PLEKHG1: variants seen among roughly 807,000 people sequenced by gnomAD.
PLEKHG1 encodes the protein pleckstrin homology domain-containing family G member 1.
PLEKHG1 carries 44 observed loss-of-function variants against 100.8 expected under a neutral mutation model. The observed-to-expected ratio is 0.44, with a 90% confidence interval of 0.34 to 0.56. The LOEUF (loss-of-function observed/expected upper bound fraction) is 0.56, where lower values mean the gene tolerates loss of function less well. Ranked by LOEUF, PLEKHG1 falls within the 20% of genes least tolerant of loss-of-function variation. PLEKHG1 has a pLI of 0.01. For missense variants in PLEKHG1, 1,545 were observed against 1,720.9 expected (o/e 0.90, Z 1.81); for synonymous variants, 640 against 662.5 (o/e 0.97, Z 0.52).
intron 9 of PLEKHG1, 39 bp from the exon 11 acceptor site, chr6:150,809,609 G>T: frequency 6.4e-7 from 1 of 1,570,554 alleles, no homozygotes; most frequent in South Asian, 1.1e-5. Context: ...GTGGGTGGTG[G>T]AATCAAGTTG....
intron 5 of PLEKHG1, among the ~76,000 whole-genome samples, chr6:150,800,262 C>G (rs920738820): frequency 6.6e-6 from 1 of 151,958 alleles, no homozygotes; most frequent in Admixed American, 6.6e-5. Flanking sequence ...AATGCTCTGA[C>G]GGGGGGCTGG....
chr6:150,697,470 G>C (rs1780593159), intron 3 of PLEKHG1, among the ~76,000 whole-genome samples: 1 of 152,210 alleles, frequency 6.6e-6, no homozygotes, highest in Non-Finnish European at 1.5e-5. Flanking sequence ...TTTAAGGACA[G>C]GCAACTGGGA....
At chr6:150,607,580 G>T (rs1776654849) in intron 1 of PLEKHG1, among the ~76,000 whole-genome samples, 1 of 152,138 alleles carries the variant, frequency 6.6e-6, no homozygotes, top group East Asian at 1.9e-4. Flanking sequence ...TTTTAAAATT[G>T]GAAACAAGTA....
chr6:150,802,949 C>T (rs537920764), intron 6 of PLEKHG1, among the ~76,000 whole-genome samples: 2 of 152,152 alleles, frequency 1.3e-5, no homozygotes, highest in Admixed American at 6.5e-5. Flanking sequence ...AGTGAGCCAC[C>T]GTGCCTGGCC....
chr6:150,730,220 A>G (rs1185327134), intron 1 of PLEKHG1, among the ~76,000 whole-genome samples: 2 of 151,982 alleles, frequency 1.3e-5, no homozygotes, highest in Non-Finnish European at 2.9e-5. Flanking sequence ...CAGTATGTGC[A>G]GATCTGTAGG....
At chr6:150,730,943 A>G (rs1583019189) in intron 1 of PLEKHG1, among the ~76,000 whole-genome samples, 1 of 151,972 alleles carries the variant, frequency 6.6e-6, no homozygotes, top group Admixed American at 6.6e-5. Flanking sequence ...TTTAGTCCCA[A>G]ATCATAGCCT....
chr6:150,650,745 G>C (rs145411910), exon 3 of PLEKHG1: 25 of 152,336 alleles, frequency 1.6e-4, no homozygotes, highest in African/African-American at 5.3e-4. Flanking sequence ...CTGATGAGAA[G>C]AGTCTGTGGG....
intron 3 of PLEKHG1, among the ~76,000 whole-genome samples, chr6:150,776,968 C>T (rs943832989): frequency 1.1e-4 from 17 of 149,442 alleles, no homozygotes; most frequent in East Asian, 4.0e-4. Flanking sequence ...TGCACATGTG[C>T]GGCTGCACAT....
At chr6:150,832,104 G>T (rs771844912) in exon 15 of PLEKHG1, 1 of 1,614,166 alleles carries the variant, frequency 6.2e-7, no homozygotes, top group East Asian at 2.2e-5. Context: ...AAAGTGAAAA[G>T]TCTGGAGCTG....
intron 3 of PLEKHG1, among the ~76,000 whole-genome samples, chr6:150,700,771 G>A (rs1485567447): frequency 1.3e-5 from 2 of 152,108 alleles, no homozygotes; most frequent in Non-Finnish European, 2.9e-5. Context: ...CCATAAAGTG[G>A]AGACGGTAGC....
intron 3 of PLEKHG1, among the ~76,000 whole-genome samples, chr6:150,782,078 T>C (rs1200354946): frequency 6.6e-6 from 1 of 151,780 alleles, no homozygotes; most frequent in Non-Finnish European, 1.5e-5. Context: ...ATGCCCGGCC[T>C]TAAAAGATCC....
intron 3 of PLEKHG1, among the ~76,000 whole-genome samples, chr6:150,668,764 TTCAC>T (rs1182398426): frequency 6.6e-6 from 1 of 152,206 alleles, no homozygotes; most frequent in African/African-American, 2.4e-5. Flanking sequence ...AATTTCATGT[TTCAC>T]TTATTTAAAT....
chr6:150,604,062 C>A (rs1448453012), intron 1 of PLEKHG1, among the ~76,000 whole-genome samples: 1 of 152,016 alleles, frequency 6.6e-6, no homozygotes, highest in Non-Finnish European at 1.5e-5. Context: ...AAACCCTTTG[C>A]CATTATAGCA....
chr6:150,654,864 G>A (rs1464937630), intron 3 of PLEKHG1, among the ~76,000 whole-genome samples: 1 of 152,224 alleles, frequency 6.6e-6, no homozygotes, highest in African/African-American at 2.4e-5. Flanking sequence ...AACCATCCAG[G>A]GGGATTCTTG....
At chr6:150,761,347 ACC>A (rs2128634973) in intron 2 of PLEKHG1, among the ~76,000 whole-genome samples, 1 of 148,902 alleles carries the variant, frequency 6.7e-6, no homozygotes, top group East Asian at 2.0e-4. Flanking sequence ...CTTGTGATCC[ACC>A]CAGGCTGGAG....
exon 16 of PLEKHG1, chr6:150,842,681 A>G (rs1340271130): frequency 6.6e-6 from 1 of 152,192 alleles, no homozygotes; most frequent in Non-Finnish European, 1.5e-5. Context: ...CAAAAAAGAT[A>G]AGTACCACAA....
At chr6:150,797,620 A>C (rs1422588291) in intron 5 of PLEKHG1, among the ~76,000 whole-genome samples, 1 of 151,870 alleles carries the variant, frequency 6.6e-6, no homozygotes, top group Non-Finnish European at 1.5e-5. Context: ...ACATCACCTG[A>C]GGTCAGGAGT....
At chr6:150,808,825 C>T (rs184670841) in intron 7 of PLEKHG1, among the ~76,000 whole-genome samples, 67 of 151,908 alleles carry the variant, frequency 4.4e-4, no homozygotes, top group Non-Finnish European at 7.4e-5. Flanking sequence ...GGCTTTGGAA[C>T]GATGTAAGGG....
intron 1 of PLEKHG1, among the ~76,000 whole-genome samples, chr6:150,724,558 C>CTTTCTTTTTT (rs1554263602): frequency 1.0e-5 from 1 of 100,472 alleles, no homozygotes; most frequent in Non-Finnish European, 2.0e-5. Context: ...TTTTCTTTTT[C>CTTTCTTTTTT]TTTTTTTTTT....
Sources: allele counts gnomAD v4.1 joint callset (sites outside exome capture counted in the v4.1 genomes callset), GRCh38; gene constraint gnomAD v4.1.1; transcripts MANE v1.5; gene names NCBI Gene and HGNC (gene_info 2026-07-23, HGNC 2026-07-21).